MACROD2: variants seen among roughly 807,000 people sequenced by gnomAD.
MACROD2 encodes mono-ADP ribosylhydrolase 2, also known as ADP-ribose glycohydrolase MACROD2.
MACROD2 carries 36 observed loss-of-function variants against 70.4 expected under a neutral mutation model. The observed-to-expected ratio is 0.51, with a 90% confidence interval of 0.39 to 0.68. The LOEUF (loss-of-function observed/expected upper bound fraction) is 0.68, where lower values mean the gene tolerates loss of function less well. MACROD2 is among the 30% of genes least tolerant of loss of function. The pLI is 0.00. For synonymous variants in MACROD2, 172 were observed against 178.8 expected, an observed-to-expected ratio of 0.96 and a Z score of 0.30; for missense variants, 496 against 538.4, an observed-to-expected ratio of 0.92 and a Z score of 0.78.
chr20:15,134,616 G>A (rs962199186), intron 5 of MACROD2, among the ~76,000 whole-genome samples: 54 of 152,064 alleles, frequency 3.6e-4, no homozygotes, highest in African/African-American at 1.1e-3. Flanking sequence ...GAGAAAGCAG[G>A]AAAGATCCAA....
intron 3 of MACROD2, among the ~76,000 whole-genome samples, chr20:14,477,764 G>A (rs1055472227): frequency 4.6e-5 from 7 of 152,068 alleles, no homozygotes; most frequent in Non-Finnish European, 1.0e-4. Context: ...AAATTAAAAT[G>A]TTAGAATTGT....
intron 3 of MACROD2, among the ~76,000 whole-genome samples, chr20:14,274,388 C>A (rs1262038691): frequency 6.6e-6 from 1 of 152,030 alleles, no homozygotes; most frequent in Non-Finnish European, 1.5e-5. Context: ...GAACGAAAGA[C>A]AAAAACCACA....
intron 7 of MACROD2, among the ~76,000 whole-genome samples, chr20:15,437,027 G>T (rs2046436130): frequency 6.6e-6 from 1 of 152,080 alleles, no homozygotes; most frequent in Admixed American, 6.6e-5. Flanking sequence ...CTGAACAATG[G>T]GCACTTTCTA....
intron 4 of MACROD2, among the ~76,000 whole-genome samples, chr20:14,647,249 T>C (rs923104250): frequency 5.3e-5 from 8 of 152,154 alleles, no homozygotes; most frequent in Non-Finnish European, 1.0e-4. Flanking sequence ...TCCCCAGGGC[T>C]CCTGGAACTG....
intron 3 of MACROD2, among the ~76,000 whole-genome samples, chr20:14,109,546 C>T (rs929433250): frequency 6.6e-6 from 1 of 151,590 alleles, no homozygotes; most frequent in Non-Finnish European, 1.5e-5. Flanking sequence ...TAAATAAAAT[C>T]AGAGATGAAA....
At chr20:15,592,165 A>G (rs1422426146) in intron 8 of MACROD2, among the ~76,000 whole-genome samples, 2 of 152,228 alleles carry the variant, frequency 1.3e-5, no homozygotes, top group Non-Finnish European at 2.9e-5. Context: ...TACCTATAAA[A>G]TGGGGATAAT....
At chr20:14,202,950 G>A (rs1157646617) in intron 3 of MACROD2, among the ~76,000 whole-genome samples, 1 of 152,026 alleles carries the variant, frequency 6.6e-6, no homozygotes, top group East Asian at 1.9e-4. Context: ...GGGAGACTGA[G>A]GCAGGAGAAT....
intron 8 of MACROD2, among the ~76,000 whole-genome samples, chr20:15,583,047 G>GAA (rs143238061): frequency 2.3e-4 from 34 of 148,628 alleles, no homozygotes; most frequent in Middle Eastern, 3.4e-3. Context: ...GAGGAGAAGA[G>GAA]AAAAAAAAAA....
intron 3 of MACROD2, among the ~76,000 whole-genome samples, chr20:14,285,455 A>G (rs2082336224): frequency 6.6e-6 from 1 of 152,172 alleles, no homozygotes; most frequent in Non-Finnish European, 1.5e-5. Context: ...TTTTTGGATT[A>G]GGGCTGCTTA....
At chr20:15,144,954 T>A (rs2076219743) in intron 5 of MACROD2, among the ~76,000 whole-genome samples, 1 of 152,206 alleles carries the variant, frequency 6.6e-6, no homozygotes, top group African/African-American at 2.4e-5. Flanking sequence ...AAGAACGGGC[T>A]GTATAAATCA....
chr20:14,710,172 G>A (rs1325644486), intron 5 of MACROD2, among the ~76,000 whole-genome samples: 2 of 152,120 alleles, frequency 1.3e-5, no homozygotes, highest in East Asian at 3.9e-4. Flanking sequence ...GAGAGAGTAA[G>A]CAAGGAGACC....
At chr20:15,169,089 T>G (rs2076405761) in intron 5 of MACROD2, among the ~76,000 whole-genome samples, 1 of 152,096 alleles carries the variant, frequency 6.6e-6, no homozygotes, top group Non-Finnish European at 1.5e-5. Flanking sequence ...GTGATGATTG[T>G]TGTACAATAA....
At chr20:15,735,171 A>C (rs1157379582) in intron 8 of MACROD2, among the ~76,000 whole-genome samples, 1 of 152,012 alleles carries the variant, frequency 6.6e-6, no homozygotes, top group African/African-American at 2.4e-5. Context: ...ATATTGGCCA[A>C]GCTGTCCTTG....
intron 6 of MACROD2, among the ~76,000 whole-genome samples, chr20:15,408,090 G>A (rs75729386): frequency 0.037 from 5,578 of 152,266 alleles, 128 homozygotes; most frequent in Middle Eastern, 0.075. Context: ...CTTAATTTAG[G>A]CAATGCAAGG....
chr20:14,234,188 G>A (rs2081847526), intron 3 of MACROD2, among the ~76,000 whole-genome samples: 1 of 151,954 alleles, frequency 6.6e-6, no homozygotes, highest in African/African-American at 2.4e-5. Context: ...ACCAATTTTT[G>A]TCAAAACTTA....
chr20:14,893,901 C>T (rs889889283), intron 5 of MACROD2: 4 of 152,082 alleles, frequency 2.6e-5, no homozygotes, highest in Non-Finnish European at 5.9e-5. Flanking sequence ...CCTCTTGCCT[C>T]AGCCTCCCAA....
At chr20:14,991,499 A>G (rs1204446759) in intron 5 of MACROD2, among the ~76,000 whole-genome samples, 2 of 152,060 alleles carry the variant, frequency 1.3e-5, no homozygotes, top group Non-Finnish European at 2.9e-5. Context: ...TATTTTCTCT[A>G]CTTTGCAAAG....
At chr20:14,869,280 C>G (rs2073461404) in intron 5 of MACROD2, among the ~76,000 whole-genome samples, 1 of 152,100 alleles carries the variant, frequency 6.6e-6, no homozygotes, top group Non-Finnish European at 1.5e-5. Flanking sequence ...TTGAGAAGAA[C>G]ATTCTTTTGT....
At chr20:14,943,489 A>G (rs967743125) in intron 5 of MACROD2, among the ~76,000 whole-genome samples, 12 of 152,018 alleles carry the variant, frequency 7.9e-5, no homozygotes, top group African/African-American at 2.9e-4. Flanking sequence ...AGTCTAATTA[A>G]TTGTCTCATA....
Sources: gnomAD v4.1 joint callset for allele counts (sites outside exome capture counted in the v4.1 genomes callset) on GRCh38, gnomAD v4.1.1 for gene constraint, MANE v1.5 for transcripts, NCBI Gene and HGNC (gene_info 2026-07-23, HGNC 2026-07-21) for gene names.